Variants in CCDC60 observed in about 807,000 individuals in gnomAD.
CCDC60 encodes coiled-coil domain containing 60, also known as coiled-coil domain-containing protein 60.
A neutral mutation model predicts 63.5 loss-of-function variants in CCDC60; 54 were observed. That is an observed-to-expected ratio of 0.85 (90% CI 0.68 to 1.07). The LOEUF (loss-of-function observed/expected upper bound fraction) is 1.07. CCDC60 is among the 50% of genes least tolerant of loss of function. CCDC60 has a pLI of 0.00. For synonymous variants in CCDC60, 206 were observed against 238.8 expected (o/e 0.86, Z 1.27); for missense variants, 651 against 684.3 (o/e 0.95, Z 0.54).
At chr12:119,458,146 G>T (rs1474247825) in intron 2 of CCDC60, among the ~76,000 whole-genome samples, 2 of 152,176 alleles carry the variant, frequency 1.3e-5, no homozygotes, top group Non-Finnish European at 2.9e-5. Context: ...GGCTCCCCAA[G>T]CCTCCAGCCT....
rs1483993467 is a variant in CCDC60 at position 119,401,354 on chromosome 12, C to T, written c.91-27329C>T. Among the ~76,000 whole-genome samples, 3 of 152,228 alleles carry T rather than the reference C, an allele frequency of 2.0e-5. No homozygotes were observed. In the South Asian group the frequency reaches 6.2e-4, roughly 32 times the overall value. On this transcript the variant is annotated intron_variant, in intron 1 of 13. Transcript: ENST00000327554. ...CCCATTCATCCATCCAACTGTCCAT[C>T]CATCTGTCCATCCATCCATCCTTTC...
chr12:119,396,429 G>A (rs1956255776), intron 1 of CCDC60, among the ~76,000 whole-genome samples: 1 of 152,018 alleles, frequency 6.6e-6, no homozygotes, highest in Non-Finnish European at 1.5e-5. Flanking sequence ...GGGAACCTAG[G>A]AGACCAGCCA....
intron 1 of CCDC60, among the ~76,000 whole-genome samples, chr12:119,344,853 TCTCACA>T (rs1191020519): frequency 6.1e-4 from 64 of 104,170 alleles, no homozygotes; most frequent in African/African-American, 1.2e-3. Flanking sequence ...TCTCTCTCTC[TCTCACA>T]CACACACACA....
chr12:119,501,728 T>C (rs1879397), intron 6 of CCDC60, among the ~76,000 whole-genome samples: 26,640 of 152,094 alleles, frequency 0.18, 2,871 homozygotes, highest in South Asian at 0.3. Flanking sequence ...AAAAAAGTCC[T>C]TCAGGGATAT....
chr12:119,496,782 C>T (rs567546654), intron 5 of CCDC60, among the ~76,000 whole-genome samples: 4 of 152,276 alleles, frequency 2.6e-5, no homozygotes, highest in East Asian at 3.9e-4. Context: ...ACAGAGGACT[C>T]GAACAGCTGG....
intron 2 of CCDC60, among the ~76,000 whole-genome samples, chr12:119,450,883 AG>A: frequency 6.7e-6 from 1 of 149,328 alleles, no homozygotes; most frequent in African/African-American, 2.5e-5. Flanking sequence ...AGAGAGAGAG[AG>A]AGATAAGACA....
intron 12 of CCDC60, among the ~76,000 whole-genome samples, chr12:119,529,778 G>A (rs1408620282): frequency 1.3e-5 from 2 of 152,228 alleles, no homozygotes; most frequent in Admixed American, 1.3e-4. Flanking sequence ...GAGGGAATTT[G>A]GGGGGAGGAG....
At chr12:119,466,328 C>T (rs1334925188) in intron 2 of CCDC60, among the ~76,000 whole-genome samples, 3 of 152,216 alleles carry the variant, frequency 2.0e-5, no homozygotes, top group African/African-American at 7.2e-5. Flanking sequence ...CAGAACTCTA[C>T]AGCTATTTTG....
intron 1 of CCDC60, among the ~76,000 whole-genome samples, chr12:119,359,476 G>A (rs535340994): frequency 6.6e-6 from 1 of 151,514 alleles, no homozygotes; most frequent in Non-Finnish European, 1.5e-5. Flanking sequence ...AATAAATATT[G>A]AGAATATTGA....
At chr12:119,455,757 AAAG>A (rs1403730687) in intron 2 of CCDC60, among the ~76,000 whole-genome samples, 8 of 143,022 alleles carry the variant, frequency 5.6e-5, no homozygotes, top group African/African-American at 1.6e-4. Flanking sequence ...GAAAGAAAGA[AAAG>A]AAAAGAAAGA....
At chr12:119,431,391 G>A (rs1445429771) in intron 2 of CCDC60, among the ~76,000 whole-genome samples, 3 of 152,180 alleles carry the variant, frequency 2.0e-5, no homozygotes, top group Non-Finnish European at 2.9e-5. Context: ...GTTCTTGGGT[G>A]GGGACCACAA....
intron 5 of CCDC60, among the ~76,000 whole-genome samples, chr12:119,490,946 T>C (rs757088305): frequency 1.3e-5 from 2 of 152,256 alleles, no homozygotes; most frequent in East Asian, 1.9e-4. Context: ...TGTATAAGTA[T>C]ATAAAGTATG....
chr12:119,413,040 G>C (rs1035175286), intron 1 of CCDC60, among the ~76,000 whole-genome samples: 1 of 152,130 alleles, frequency 6.6e-6, no homozygotes, highest in African/African-American at 2.4e-5. Flanking sequence ...CGGGGCTCCT[G>C]TTTCCTGAAG....
At chr12:119,338,418 T>C (rs772203569) in intron 1 of CCDC60, among the ~76,000 whole-genome samples, 1 of 152,174 alleles carries the variant, frequency 6.6e-6, no homozygotes, top group Non-Finnish European at 1.5e-5. Context: ...TTCAGAACCT[T>C]CTACAATCCT....
Position 119,360,268 on chromosome 12 carries a change from C to T in CCDC60, c.90+25002C>T, listed in dbSNP as rs200936214. On this transcript the variant is annotated intron_variant, in intron 1 of 13. Coordinates refer to ENST00000327554, the MANE Select transcript of CCDC60 (RefSeq NM_178499.5). ...GCAGAGGCGCCCCTCACCTCCCGGA[C>T]GGGGCGGCTGGCCGGGCAGGGGGCT... Among the ~76,000 whole-genome samples the T allele has an allele frequency of 0.023, 3,416 of 148,808 alleles. 235 individuals carry two copies. In the East Asian group the frequency reaches 0.26, roughly 11 times the overall value.
rs55694840 is a variant in CCDC60, at chr12:119,524,721, C to CTTTTTTTTTTTTTTT, written c.1229+908_1229+922dup. Among the ~76,000 whole-genome samples, 71 of 99,008 alleles carry CTTTTTTTTTTTTTTT rather than the reference C, an allele frequency of 7.2e-4. 1 individual carries two copies. Among genetic ancestry groups the CTTTTTTTTTTTTTTT allele is most frequent in the Middle Eastern group, 5.2e-3 (1 of 192 alleles). The allele number at this position is 99,008 out of a possible 152,430, so 65.0% of individuals were successfully genotyped here. A position where few individuals can be genotyped will look rare whatever the true frequency, so the allele number is the denominator to read the frequency against. ...ACAGCAGTTTCTTTTCTTTTCTTTT[C>CTTTTTTTTTTTTTTT]TTTTTTTTTTTTTTTTTTTGAGACA... On this transcript the variant is annotated intron_variant, in intron 11 of 13. Transcript: ENST00000327554.
intron 1 of CCDC60, among the ~76,000 whole-genome samples, chr12:119,404,527 C>CT (rs1233391065): frequency 6.6e-6 from 1 of 152,168 alleles, no homozygotes; most frequent in Non-Finnish European, 1.5e-5. Context: ...CCCAGAGGGG[C>CT]TCAGGAAGAC....
chr12:119,519,304 G>T (rs1464012137), intron 8 of CCDC60, among the ~76,000 whole-genome samples: 2 of 151,906 alleles, frequency 1.3e-5, no homozygotes, highest in Non-Finnish European at 2.9e-5. Context: ...TGTCCCTGAT[G>T]ATCAGAAGCA....
intron 2 of CCDC60, among the ~76,000 whole-genome samples, chr12:119,471,207 T>G (rs1951049535): frequency 6.6e-6 from 1 of 152,152 alleles, no homozygotes; most frequent in Non-Finnish European, 1.5e-5. Context: ...GACATCTGAT[T>G]AGGAAATAGT....
Sources: allele counts gnomAD v4.1 joint callset (sites outside exome capture counted in the v4.1 genomes callset), GRCh38; gene constraint gnomAD v4.1.1; transcripts MANE v1.5; gene names NCBI Gene and HGNC (gene_info 2026-07-23, HGNC 2026-07-21).